Variants in MAP3K7 observed in about 807,000 individuals in gnomAD.
The protein encoded by MAP3K7 is mitogen-activated protein kinase kinase kinase 7.
MAP3K7 carries 21 observed loss-of-function variants against 84.8 expected under a neutral mutation model. That is an observed-to-expected ratio of 0.25 (90% confidence interval 0.18 to 0.36). The LOEUF (loss-of-function observed/expected upper bound fraction) is 0.36. Ranked by LOEUF, MAP3K7 falls within the 10% of genes least tolerant of loss-of-function variation. The probability of loss-of-function intolerance (pLI) is 1.00; values close to 1 mark genes in which losing one functional copy is unlikely to be tolerated. For missense variants in MAP3K7, 503 were observed against 747.7 expected (o/e 0.67, Z 3.82); for synonymous variants, 241 against 247.7 (o/e 0.97, Z 0.25).
At chr6:90,579,250 C>A (rs1377912586) in intron 1 of MAP3K7, among the ~76,000 whole-genome samples, 1 of 152,184 alleles carries the variant, frequency 6.6e-6, no homozygotes, top group Admixed American at 6.5e-5. Context: ...AAGCCCTAAT[C>A]TCCTTTAAGA....
chr6:90,554,105 C>A (rs1582205853), intron 6 of MAP3K7, among the ~76,000 whole-genome samples: 1 of 152,030 alleles, frequency 6.6e-6, no homozygotes, highest in Admixed American at 6.6e-5. Context: ...TGGGGTCTTG[C>A]CATGTTGCCC....
intron 12 of MAP3K7, 136 bp downstream of exon 12, chr6:90,544,416 C>T: frequency 1.4e-6 from 1 of 690,416 alleles, no homozygotes; most frequent in Admixed American, 2.3e-5. Context: ...GTTTTTCAAT[C>T]TGTCTCCCTA....
intron 1 of MAP3K7, among the ~76,000 whole-genome samples, chr6:90,573,833 C>T (rs542156822): frequency 6.6e-6 from 1 of 152,372 alleles, no homozygotes; most frequent in South Asian, 2.1e-4. Context: ...GCCAACTTCT[C>T]TGGTAGCTAG....
chr6:90,552,871 G>T (rs1468230073), intron 7 of MAP3K7, among the ~76,000 whole-genome samples: 1 of 152,158 alleles, frequency 6.6e-6, no homozygotes, highest in Non-Finnish European at 1.5e-5. Context: ...GAAGCATCTG[G>T]ATTTGAATCC....
rs185809925 is a variant in MAP3K7 at position 90,549,717 on chromosome 6, T to C, written c.949+751A>G. Among the ~76,000 whole-genome samples, 5 of 152,270 alleles carry C rather than the reference T, an allele frequency of 3.3e-5. No individual in the cohort carries two copies. The East Asian group carries it at 9.7e-4, about 29-fold the overall frequency. ...CACAAATGATAGAATTTTAGAGAAG[T>C]ACATTTTAGAATTCAGAGCAACTCA... is the stretch of plus-strand genomic sequence containing the variant. On this transcript the variant is annotated intron_variant, in intron 9 of 16. Coordinates refer to ENST00000369329, the MANE Select transcript of MAP3K7 (RefSeq NM_145331.3).
At chr6:90,581,589 G>A (rs1290038852) in intron 1 of MAP3K7, among the ~76,000 whole-genome samples, 3 of 152,206 alleles carry the variant, frequency 2.0e-5, no homozygotes, top group African/African-American at 4.8e-5. Flanking sequence ...ACCTGCCACA[G>A]TACATCTCAC....
chr6:90,550,726 C>A (rs891654755), intron 8 of MAP3K7, 177 bp from the exon 9 acceptor site: 14 of 473,392 alleles, frequency 3.0e-5, no homozygotes, highest in Admixed American at 7.5e-5. Flanking sequence ...CATGCACCTA[C>A]CTAAGAATCT....
rs201291556 is a variant in MAP3K7 at position 90,525,109 on chromosome 6, TA to T, written c.1357-1327del. Among the ~76,000 whole-genome samples, 3 of 151,088 alleles carry T rather than the reference TA, an allele frequency of 2.0e-5. No homozygotes were observed. In the South Asian group the frequency reaches 6.3e-4, roughly 32 times the overall value. The stretch of plus-strand genomic sequence containing the variant: ...TGAATTACTCTCCAGTTAAGATATT[TA>T]AAAAAAAATCAGATTGTCAGGATGA... On this transcript the variant is annotated intron_variant, in intron 13 of 16. Transcript: ENST00000369329.
chr6:90,535,627 A>G (rs1236271812), intron 13 of MAP3K7, among the ~76,000 whole-genome samples: 1 of 152,072 alleles, frequency 6.6e-6, no homozygotes, highest in Non-Finnish European at 1.5e-5. Flanking sequence ...AACACAGAAA[A>G]AACAATGACT....
Position 90,586,937 on chromosome 6 carries a change from G to A in MAP3K7, c.-54C>T. ...GAACGGTGCCACCCGGACAATCCGG[G>A]TGAGACCCGCGCCCACCCGCCTCCG... On this transcript the variant is annotated 5_prime_UTR_variant, in exon 1 of 17. Coordinates refer to ENST00000369329, the MANE Select transcript of MAP3K7 (RefSeq NM_145331.3). 1 of 1,524,444 alleles carries A rather than the reference G, an allele frequency of 6.6e-7. No homozygotes were observed. Among genetic ancestry groups the A allele is most frequent in the Admixed American group, 2.3e-5 (1 of 44,386 alleles). 94.4% of individuals were successfully genotyped at this position (1,524,444 alleles called of 1,614,324 possible).
chr6:90,516,730 C>T (rs1414832853), intron 16 of MAP3K7, 49 bp from the exon 17 acceptor site: 14 of 1,437,494 alleles, frequency 9.7e-6, no homozygotes, highest in Non-Finnish European at 1.3e-5. Context: ...AAATTCATAC[C>T]TTAGTAGCTG....
intron 1 of MAP3K7, among the ~76,000 whole-genome samples, chr6:90,574,445 A>C (rs1267153690): frequency 6.6e-6 from 1 of 152,164 alleles, no homozygotes; most frequent in Non-Finnish European, 1.5e-5. Flanking sequence ...ACTAAGATGA[A>C]TAGCAAGCAG....
chr6:90,514,136 T>C lies in MAP3K7; in HGVS notation c.*2365A>G, dbSNP rs919872903. 1.3e-5 allele frequency: 2 copies of C among 152,076 alleles called. No individual in the cohort carries two copies. The highest frequency in any genetic ancestry group is 2.9e-5 in the Non-Finnish European group (2 of 67,984). The allele number at this position is 152,076 out of a possible 1,614,324, so 9.4% of individuals were successfully genotyped here. A position where few individuals can be genotyped will look rare whatever the true frequency, so the allele number is the denominator to read the frequency against. ...AGACTGGGGCATTCCAGCCACTTGC[T>C]TGGCTGTTTGCAATTTTCACCCAAA... On this transcript the variant is annotated 3_prime_UTR_variant, in exon 17 of 17. Transcript: ENST00000369329.
At chr6:90,579,829 T>G (rs1777209562) in intron 1 of MAP3K7, among the ~76,000 whole-genome samples, 1 of 152,196 alleles carries the variant, frequency 6.6e-6, no homozygotes, top group Admixed American at 6.5e-5. Flanking sequence ...AAACTGAGTA[T>G]ACAAAATAGA....
intron 4 of MAP3K7, among the ~76,000 whole-genome samples, chr6:90,561,091 T>A (rs1300691364): frequency 2.0e-5 from 3 of 152,178 alleles, no homozygotes; most frequent in Admixed American, 1.3e-4. Flanking sequence ...TTGTTTTATA[T>A]AACTGGTGCT....
At chr6:90,565,111 G>A (rs1194171825) in intron 3 of MAP3K7, among the ~76,000 whole-genome samples, 1 of 152,178 alleles carries the variant, frequency 6.6e-6, no homozygotes, top group African/African-American at 2.4e-5. Flanking sequence ...AAGCAGGAAA[G>A]ATCTAAAATT....
chr6:90,539,844 C>CT (rs781425106), intron 12 of MAP3K7, among the ~76,000 whole-genome samples: 1 of 151,764 alleles, frequency 6.6e-6, no homozygotes, highest in Non-Finnish European at 1.5e-5. Context: ...TATTAGAAGC[C>CT]TAACTACTCA....
chr6:90,566,150 G>A (rs1323328118), intron 3 of MAP3K7, among the ~76,000 whole-genome samples: 1 of 152,138 alleles, frequency 6.6e-6, no homozygotes, highest in Non-Finnish European at 1.5e-5. Context: ...TTGAAAACTG[G>A]CACAAGACAA....
intron 14 of MAP3K7, among the ~76,000 whole-genome samples, chr6:90,521,103 G>T (rs915068319): frequency 2.6e-5 from 4 of 151,876 alleles, no homozygotes; most frequent in African/African-American, 9.7e-5. Context: ...TTGTATGGTG[G>T]GGAACTTAAG....
Sources: gnomAD v4.1 joint callset for allele counts (sites outside exome capture counted in the v4.1 genomes callset) on GRCh38, gnomAD v4.1.1 for gene constraint, MANE v1.5 for transcripts, NCBI Gene and HGNC (gene_info 2026-07-23, HGNC 2026-07-21) for gene names.